Variants in RBFOX1 observed in about 807,000 individuals in gnomAD.
The protein encoded by RBFOX1 is RNA binding fox-1 homolog 1, also known as RNA binding protein fox-1 homolog 1.
RBFOX1 carries 8 observed loss-of-function variants against 57.7 expected under a neutral mutation model. The observed-to-expected ratio is 0.14, with a 90% confidence interval of 0.08 to 0.25. The LOEUF is 0.25. Ranked by LOEUF, RBFOX1 falls within the 10% of genes least tolerant of loss-of-function variation. The pLI, the probability that RBFOX1 is intolerant of heterozygous loss-of-function variation, is 1.00. For missense variants in RBFOX1, 611 were observed against 548.5 expected (o/e 1.11, Z -1.14); for synonymous variants, 326 against 222.4 (o/e 1.47, Z -4.15).
intron 4 of RBFOX1, among the ~76,000 whole-genome samples, chr16:7,377,824 T>G (rs1358161990): frequency 6.6e-6 from 1 of 152,058 alleles, no homozygotes; most frequent in African/African-American, 2.4e-5. Context: ...AAGAAGGAAT[T>G]GAGAGTAACA....
chr16:5,667,772 G>A (rs752815109), intron 3 of RBFOX1, among the ~76,000 whole-genome samples: 5 of 152,180 alleles, frequency 3.3e-5, no homozygotes, highest in African/African-American at 7.2e-5. Context: ...GAATTTCAAA[G>A]TAGGAAGAAT....
intron 4 of RBFOX1, among the ~76,000 whole-genome samples, chr16:7,131,694 C>T (rs890234362): frequency 1.3e-5 from 2 of 151,842 alleles, no homozygotes; most frequent in African/African-American, 2.4e-5. Context: ...TTTTGCCAGA[C>T]AGTAAGCCAA....
chr16:7,515,676 C>A (rs1022415196), intron 4 of RBFOX1, among the ~76,000 whole-genome samples: 3 of 152,314 alleles, frequency 2.0e-5, no homozygotes, highest in East Asian at 3.9e-4. Context: ...TGTGTAACTA[C>A]AACAAACAGG....
rs1040345756 is a variant in RBFOX1 at position 5,946,953 on chromosome 16, C to T, written c.351+79618C>T. Among the ~76,000 whole-genome samples the T allele has an allele frequency of 7.2e-5, 11 of 152,084 alleles. No homozygotes were observed. The highest frequency in any genetic ancestry group is 1.3e-4 in the Admixed American group (2 of 15,266). On this transcript the variant is annotated intron_variant, in intron 4 of 19. Transcript: ENST00000641259. This position sits in a 1 kb window ranked among gnomAD's most constrained non-coding sequence, Gnocchi z 4.6. ...AAAGGCCAGAGCAGTGGCTCACAGC[C>T]GTAATCCTAGCACTTAGGGAGGCAG...
intron 2 of RBFOX1, among the ~76,000 whole-genome samples, chr16:6,326,847 A>G (rs768934791): frequency 3.9e-5 from 6 of 152,172 alleles, no homozygotes; most frequent in African/African-American, 7.2e-5. Context: ...GCCCGAGAGC[A>G]TAATCACACA....
intron 3 of RBFOX1, among the ~76,000 whole-genome samples, chr16:5,635,158 C>A (rs1416862268): frequency 6.6e-6 from 1 of 152,202 alleles, no homozygotes; most frequent in Non-Finnish European, 1.5e-5. Flanking sequence ...TCACTTTTGA[C>A]TTTTCTGCAT....
Position 6,429,621 on chromosome 16 carries a change from G to T in RBFOX1, c.-64+112564G>T, listed in dbSNP as rs1054051675. On this transcript the variant is annotated intron_variant, in intron 2 of 15. Coordinates refer to ENST00000550418, the MANE Select transcript of RBFOX1 (RefSeq NM_018723.4). ...TAATAATCCCCATGTGTCAAGGGTG[G>T]GGCCAGGTGGAGATAATTGAATCAT... Among the ~76,000 whole-genome samples the T allele has an allele frequency of 2.6e-5, 4 of 152,144 alleles. 1 individual carries two copies. Among genetic ancestry groups the T allele is most frequent in the Admixed American group, 2.6e-4 (4 of 15,260 alleles).
intron 14 of RBFOX1, among the ~76,000 whole-genome samples, chr16:7,684,013 ACTAT>A (rs1451006505): frequency 3.3e-5 from 5 of 152,134 alleles, no homozygotes; most frequent in Admixed American, 3.3e-4. Context: ...ATGGTAGTAT[ACTAT>A]CTTTCAAGAT....
At chr16:5,613,195 A>C (rs755338716) in intron 3 of RBFOX1, among the ~76,000 whole-genome samples, 2 of 152,196 alleles carry the variant, frequency 1.3e-5, no homozygotes, top group African/African-American at 4.8e-5. Context: ...GTTGACATGG[A>C]CAAATCTTCC....
At chr16:5,896,499 C>T (rs77657981) in intron 4 of RBFOX1, among the ~76,000 whole-genome samples, 19,234 of 152,142 alleles carry the variant, frequency 0.13, 2,291 homozygotes, top group African/African-American at 0.31. Context: ...CTCTCCTTTG[C>T]GTTCCAACAT....
At chr16:6,246,219 A>G (rs1015655294) in intron 1 of RBFOX1, among the ~76,000 whole-genome samples, 3 of 152,172 alleles carry the variant, frequency 2.0e-5, no homozygotes, top group African/African-American at 7.2e-5. Flanking sequence ...CTGTACCTCA[A>G]GCTTTGTGAC....
At chr16:5,718,894 G>A (rs2051820166) in intron 3 of RBFOX1, among the ~76,000 whole-genome samples, 2 of 151,914 alleles carry the variant, frequency 1.3e-5, no homozygotes, top group Admixed American at 1.3e-4. Flanking sequence ...AGGTGACAGA[G>A]TGAGATTGCT....
At chr16:7,220,546 A>T (rs1340592832) in intron 4 of RBFOX1, among the ~76,000 whole-genome samples, 2 of 152,150 alleles carry the variant, frequency 1.3e-5, no homozygotes, top group Non-Finnish European at 2.9e-5. Context: ...TTTGGATGTA[A>T]CCCTGATGTC....
chr16:7,177,660 G>C (rs547823838), intron 4 of RBFOX1, among the ~76,000 whole-genome samples: 1 of 152,118 alleles, frequency 6.6e-6, no homozygotes, highest in East Asian at 1.9e-4. Flanking sequence ...TGAACCAGGA[G>C]GTAGGGCACT....
intron 2 of RBFOX1, among the ~76,000 whole-genome samples, chr16:6,334,507 C>CAAAAAAA (rs35514991): frequency 5.0e-4 from 58 of 115,912 alleles, no homozygotes; most frequent in African/African-American, 1.8e-3. Flanking sequence ...GATAGCATCT[C>CAAAAAAA]AAAAAAAAAA....
chr16:7,324,734 C>G (rs1053439411), intron 4 of RBFOX1, among the ~76,000 whole-genome samples: 14 of 152,084 alleles, frequency 9.2e-5, no homozygotes, highest in South Asian at 2.1e-4. Flanking sequence ...AGGCTCCTCA[C>G]TTACAAAACC....
intron 4 of RBFOX1, among the ~76,000 whole-genome samples, chr16:5,998,376 A>C (rs2060526281): frequency 6.6e-6 from 1 of 152,248 alleles, no homozygotes. Context: ...TAACAAAAGA[A>C]ATAGAGTGAG....
intron 3 of RBFOX1, among the ~76,000 whole-genome samples, chr16:5,702,407 C>G (rs766531395): frequency 6.6e-6 from 1 of 152,190 alleles, no homozygotes; most frequent in Non-Finnish European, 1.5e-5. Flanking sequence ...CACCTCCCAC[C>G]GTGTCCCTCC....
chr16:6,512,372 A>C (rs1333440596), intron 2 of RBFOX1, among the ~76,000 whole-genome samples: 1 of 152,048 alleles, frequency 6.6e-6, no homozygotes, highest in Non-Finnish European at 1.5e-5. Context: ...TAAAACTTCA[A>C]TCAAGAGTGC....
Sources: gnomAD v4.1 joint callset for allele counts (sites outside exome capture counted in the v4.1 genomes callset) on GRCh38, gnomAD v4.1.1 for gene constraint, Gnocchi (gnomAD v3.1) non-coding constraint, MANE v1.5 for transcripts, NCBI Gene and HGNC (gene_info 2026-07-23, HGNC 2026-07-21) for gene names.